The following SLC25A17 variants were observed in gnomAD, a reference collection of about 807,000 sequenced individuals.
The protein encoded by SLC25A17 is peroxisomal membrane protein PMP34.
A neutral mutation model predicts 38.5 loss-of-function variants in SLC25A17; 26 were observed. The ratio of observed to expected loss-of-function variants is 0.68; its 90% CI spans 0.50 to 0.94. The LOEUF is 0.94. SLC25A17 is among the 40% of genes least tolerant of loss of function. The pLI is 0.00. For synonymous variants in SLC25A17, 139 were observed against 136.2 expected (o/e 1.02, Z -0.14); for missense variants, 333 against 372.7 (o/e 0.89, Z 0.88).
At chr22:40,793,160 C>G (rs1309339796) in intron 3 of SLC25A17, among the ~76,000 whole-genome samples, 1 of 151,974 alleles carries the variant, frequency 6.6e-6, no homozygotes, top group Admixed American at 6.6e-5. Flanking sequence ...GTACAGTAAT[C>G]AATTGTAAAC....
At chr22:40,804,984 G>A (rs947084866) in intron 1 of SLC25A17, among the ~76,000 whole-genome samples, 2 of 151,536 alleles carry the variant, frequency 1.3e-5, no homozygotes, top group Non-Finnish European at 2.9e-5. Flanking sequence ...GAAAGAGAAG[G>A]AAGGAAAGAA....
intron 2 of SLC25A17, 81 bp from the exon 3 acceptor site, chr22:40,794,661 C>T (rs550081994): frequency 4.0e-6 from 3 of 745,998 alleles, no homozygotes; most frequent in Non-Finnish European, 6.4e-6. Context: ...ACTCTGTCGC[C>T]CAGGCTGGAG....
chr22:40,806,340 T>C (rs915447368), intron 1 of SLC25A17, among the ~76,000 whole-genome samples: 3 of 152,220 alleles, frequency 2.0e-5, no homozygotes, highest in Non-Finnish European at 4.4e-5. Context: ...ATATTTAAAG[T>C]TGAAATGTAG....
intron 1 of SLC25A17, among the ~76,000 whole-genome samples, chr22:40,814,954 G>A (rs2057624175): frequency 6.6e-6 from 1 of 151,782 alleles, no homozygotes; most frequent in South Asian, 2.1e-4. Flanking sequence ...CGAGTAGCTG[G>A]GACTACAGGC....
intron 4 of SLC25A17, 91 bp downstream of exon 4, chr22:40,792,434 G>A (rs1026164614): frequency 1.0e-6 from 1 of 982,324 alleles, no homozygotes; most frequent in Non-Finnish European, 1.4e-6. Flanking sequence ...TATATTCTTT[G>A]TAAGCATTAC....
At chr22:40,777,695 T>C (rs1357541739) in intron 5 of SLC25A17, among the ~76,000 whole-genome samples, 1 of 151,884 alleles carries the variant, frequency 6.6e-6, no homozygotes, top group Non-Finnish European at 1.5e-5. Flanking sequence ...GGCAGGAGAA[T>C]TGCTTGAACC....
At chr22:40,775,986 C>T (rs2057239833) in intron 7 of SLC25A17, among the ~76,000 whole-genome samples, 1 of 152,166 alleles carries the variant, frequency 6.6e-6, no homozygotes, top group Non-Finnish European at 1.5e-5. Flanking sequence ...CATCATGCTC[C>T]CCCTGCCTGG....
At chr22:40,796,809 C>A (rs1446889992) in intron 2 of SLC25A17, among the ~76,000 whole-genome samples, 2 of 152,064 alleles carry the variant, frequency 1.3e-5, no homozygotes, top group East Asian at 3.8e-4. Context: ...GAATCTACAA[C>A]AGGGGAAGGG....
At position 40,792,596 on chromosome 22, in the gene SLC25A17, CT is replaced by C; in HGVS notation, c.262del (p.Ser88AlafsTer19). The C allele has an allele frequency of 6.2e-7, 1 of 1,613,974 alleles. No homozygotes were observed. Among genetic ancestry groups the C allele is most frequent in the African/African-American group, 1.3e-5 (1 of 75,006 alleles). Reference protein sequence around the residue: ...SNFVYFYTFNSLKALWVKGQH... With the variant: ...SNFVYFYTFNXLKALWVKGQH... ...ACCTTTGACCCAGAGTGCTTTGAGG[CT>C]ATTAAAAGTGTAGAAATAGACAAAA... On this transcript the variant is annotated frameshift_variant, in exon 4 of 9. Transcript: ENST00000435456. LOFTEE classifies it high-confidence loss of function.
At chr22:40,777,790 A>C (rs2057259929) in intron 5 of SLC25A17, among the ~76,000 whole-genome samples, 1 of 152,100 alleles carries the variant, frequency 6.6e-6, no homozygotes, top group African/African-American at 2.4e-5. Flanking sequence ...TCCAAAAAAA[A>C]AAAAAAAAAG....
At chr22:40,796,615 C>CA (rs766239207) in intron 2 of SLC25A17, among the ~76,000 whole-genome samples, 2,874 of 96,204 alleles carry the variant, frequency 0.03, 50 homozygotes, top group African/African-American at 0.069. Flanking sequence ...GACTCTGTCT[C>CA]AAAAAAAAAA....
At position 40,774,001 on chromosome 22, in the gene SLC25A17, TTA is replaced by T; in HGVS notation, c.710_711del (p.Leu237GlnfsTer34). 6.2e-7 allele frequency: 1 copy of T among 1,612,488 alleles called. No homozygotes were observed. The highest frequency in any genetic ancestry group is 1.7e-5 in the Admixed American group (1 of 60,014). ...QSILRFGRHR[L>X]NPENRTLGSL... ...CTTCCCAATGTTCTGTTTTCTGGGT[TTA>T]GTCTATGACGCCCAAACTGAGGAAA... On this transcript the variant is annotated frameshift_variant, in exon 8 of 9. Coordinates refer to ENST00000435456, the MANE Select transcript of SLC25A17 (RefSeq NM_006358.4). LOFTEE classifies it high-confidence loss of function.
intron 1 of SLC25A17, among the ~76,000 whole-genome samples, chr22:40,818,545 T>A (rs992976641): frequency 9.2e-5 from 14 of 151,926 alleles, no homozygotes; most frequent in African/African-American, 3.4e-4. Context: ...CCCAAAAATT[T>A]TTTTTAAAAA....
chr22:40,810,931 G>C (rs778885883), intron 1 of SLC25A17, among the ~76,000 whole-genome samples: 9 of 151,414 alleles, frequency 5.9e-5, no homozygotes, highest in Non-Finnish European at 1.3e-4. Flanking sequence ...CTCTTTTTTT[G>C]TGGTTATTGT....
intron 1 of SLC25A17, among the ~76,000 whole-genome samples, chr22:40,809,488 C>A (rs2057559360): frequency 6.9e-6 from 1 of 144,960 alleles, no homozygotes; most frequent in Admixed American, 7.0e-5. Flanking sequence ...AAAAAATTAG[C>A]CAGCGTGGTG....
intron 1 of SLC25A17, among the ~76,000 whole-genome samples, chr22:40,818,550 T>A (rs571185887): frequency 3.8e-4 from 57 of 151,790 alleles, no homozygotes; most frequent in Non-Finnish European, 4.0e-4. Flanking sequence ...AAATTTTTTT[T>A]AAAAATGTAG....
chr22:40,781,891 G>A (rs897537928), intron 4 of SLC25A17, among the ~76,000 whole-genome samples: 1 of 152,054 alleles, frequency 6.6e-6, no homozygotes, highest in African/African-American at 2.4e-5. Flanking sequence ...AAAGGATAAA[G>A]AAAATTGTCT....
chr22:40,816,910 C>T (rs2057647078), intron 1 of SLC25A17, among the ~76,000 whole-genome samples: 1 of 152,012 alleles, frequency 6.6e-6, no homozygotes, highest in Non-Finnish European at 1.5e-5. Context: ...CGCACCCAGC[C>T]TATTCATTTA....
At chr22:40,774,873 T>G (rs2057224754) in intron 7 of SLC25A17, among the ~76,000 whole-genome samples, 1 of 152,196 alleles carries the variant, frequency 6.6e-6, no homozygotes, top group African/African-American at 2.4e-5. Flanking sequence ...CCACCCCTAT[T>G]TTATCTAGCA....
Sources: gnomAD v4.1 joint callset for allele counts (sites outside exome capture counted in the v4.1 genomes callset) on GRCh38, gnomAD v4.1.1 for gene constraint, MANE v1.5 for transcripts, NCBI Gene and HGNC (gene_info 2026-07-23, HGNC 2026-07-21) for gene names.